SUFU: variants seen among roughly 807,000 people sequenced by gnomAD.
SUFU encodes SUFU negative regulator of hedgehog signaling, also known as suppressor of fused homolog.
A neutral mutation model predicts 58.9 loss-of-function variants in SUFU; 7 were observed. The observed-to-expected ratio is 0.12, with a 90% CI of 0.07 to 0.22. The LOEUF (loss-of-function observed/expected upper bound fraction) is 0.22, where lower values mean the gene tolerates loss of function less well. Ranked by LOEUF, SUFU falls within the 10% of genes least tolerant of loss-of-function variation. The pLI is 1.00. For synonymous variants in SUFU, 232 were observed against 254.8 expected (o/e 0.91, Z 0.85); for missense variants, 451 against 641.3 (o/e 0.70, Z 3.20).
intron 2 of SUFU, among the ~76,000 whole-genome samples, chr10:102,511,013 A>G (rs1316844612): frequency 1.3e-5 from 2 of 150,388 alleles, no homozygotes; most frequent in Non-Finnish European, 3.0e-5. Context: ...CCCAGCTACT[A>G]GGGAGGCTGA....
At position 102,629,151 on chromosome 10, in the gene SUFU, C is replaced by T. The variant is rs1439553243; in HGVS notation, c.1366-915C>T. ...AGCCTGGGCAACAAGAGCGAAACTC[C>T]GTCTCAAAAGAAAAAGAAAAGACAG... On this transcript the variant is annotated intron_variant, in intron 11 of 11. Transcript: ENST00000369902. The surrounding 1 kb of genome is among the most constrained non-coding windows in gnomAD (Gnocchi z 4.7). Among the ~76,000 whole-genome samples the T allele has an allele frequency of 1.3e-5, 2 of 152,084 alleles. No individual in the cohort carries two copies. Among genetic ancestry groups the T allele is most frequent in the East Asian group, 1.9e-4 (1 of 5,180 alleles).
At chr10:102,565,337 G>A (rs1362210315) in intron 3 of SUFU, among the ~76,000 whole-genome samples, 1 of 152,184 alleles carries the variant, frequency 6.6e-6, no homozygotes, top group East Asian at 1.9e-4. Flanking sequence ...CAGAGGTCCC[G>A]AGAAATGAGT....
intron 2 of SUFU, among the ~76,000 whole-genome samples, chr10:102,538,099 A>G (rs2062762185): frequency 6.6e-6 from 1 of 152,200 alleles, no homozygotes; most frequent in African/African-American, 2.4e-5. Flanking sequence ...TGAACAGAAA[A>G]CATTAGAGGC....
chr10:102,562,870 G>T (rs537619939), intron 3 of SUFU, among the ~76,000 whole-genome samples: 1 of 152,186 alleles, frequency 6.6e-6, no homozygotes, highest in Non-Finnish European at 1.5e-5. Context: ...TAGCCTGGGC[G>T]ACAGAGTGAG....
intron 2 of SUFU, among the ~76,000 whole-genome samples, chr10:102,515,025 T>C (rs1194535885): frequency 6.6e-6 from 1 of 152,204 alleles, no homozygotes; most frequent in Non-Finnish European, 1.5e-5. Context: ...CTAGGCTCTG[T>C]CTCACAAATG....
Position 102,519,810 on chromosome 10 carries a change from C to T in SUFU, c.317+10507C>T, listed in dbSNP as rs1164858017. Among the ~76,000 whole-genome samples the T allele has an allele frequency of 3.3e-5, 5 of 152,092 alleles. No homozygotes were observed. The East Asian group carries it at 5.8e-4, about 18-fold the overall frequency. On this transcript the variant is annotated intron_variant, in intron 2 of 11. Transcript: ENST00000369902. The stretch of plus-strand genomic sequence containing the variant: ...TTTTTGAGATGGAGTCTCGCTCTGT[C>T]GCTCAGGCTGGAATGCGGTGGCATG...
In SUFU at chr10:102,625,432, G is replaced by A. The variant is rs1210494637; in HGVS notation, c.1297-1743G>A. On this transcript the variant is annotated intron_variant, in intron 10 of 11. Coordinates refer to ENST00000369902, the MANE Select transcript of SUFU (RefSeq NM_016169.4). The surrounding 1 kb of genome is among the most constrained non-coding windows in gnomAD (Gnocchi z 4.7). Reference sequence around the variant, plus strand: ...TGTTCCTGCTATGGGCTTGGAGCCTGGGAAGGCTGGGTCTCTTGTCTCCTT... The same window carrying A: ...TGTTCCTGCTATGGGCTTGGAGCCTAGGAAGGCTGGGTCTCTTGTCTCCTT... Among the ~76,000 whole-genome samples the A allele has an allele frequency of 6.6e-6, 1 of 152,178 alleles. No homozygotes were observed. The highest frequency in any genetic ancestry group is 2.4e-5 in the African/African-American group (1 of 41,424).
At chr10:102,583,067 G>T (rs1208369118) in intron 3 of SUFU, among the ~76,000 whole-genome samples, 2 of 152,152 alleles carry the variant, frequency 1.3e-5, no homozygotes, top group African/African-American at 4.8e-5. Flanking sequence ...TCCCAGGGTG[G>T]GCGCAGGGGC....
chr10:102,630,353 C>A lies in SUFU; in HGVS notation c.*198C>A. 1.6e-6 allele frequency: 1 copy of A among 617,156 alleles called. No individual in the cohort carries two copies. The highest frequency in any genetic ancestry group is 2.9e-6 in the Non-Finnish European group (1 of 345,334). 38.2% of individuals were successfully genotyped at this position (617,156 alleles called of 1,614,324 possible). The stretch of plus-strand genomic sequence containing the variant: ...CCTCACCTCCAGCTCAGGGGCCGCA[C>A]CCCGCCGCTGGCTAAGCCTTGTGAC... On this transcript the variant is annotated 3_prime_UTR_variant, in exon 12 of 12. Coordinates refer to ENST00000369902, the MANE Select transcript of SUFU (RefSeq NM_016169.4).
intron 2 of SUFU, among the ~76,000 whole-genome samples, chr10:102,549,428 C>T (rs1330474388): frequency 6.6e-6 from 1 of 152,156 alleles, no homozygotes; most frequent in Non-Finnish European, 1.5e-5. Flanking sequence ...GTGGAGGAAA[C>T]CACCCCTGTG....
At chr10:102,614,571 G>A (rs1327350128) in intron 8 of SUFU, among the ~76,000 whole-genome samples, 9 of 137,120 alleles carry the variant, frequency 6.6e-5, no homozygotes, top group African/African-American at 5.5e-5. Context: ...AAAAAAAAAC[G>A]AAACAAAAAA....
intron 3 of SUFU, among the ~76,000 whole-genome samples, chr10:102,589,924 T>G (rs2063377831): frequency 1.3e-5 from 2 of 152,032 alleles, no homozygotes; most frequent in Admixed American, 1.3e-4. Flanking sequence ...TTAATGTCCT[T>G]TATCAAGATG....
At chr10:102,548,689 C>G (rs10883735) in intron 2 of SUFU, among the ~76,000 whole-genome samples, 1 of 152,084 alleles carries the variant, frequency 6.6e-6, no homozygotes, top group Non-Finnish European at 1.5e-5. Context: ...CTGGATGCTT[C>G]CCTTACCTGG....
intron 3 of SUFU, among the ~76,000 whole-genome samples, chr10:102,590,323 G>A (rs1383408232): frequency 6.6e-6 from 1 of 151,418 alleles, no homozygotes; most frequent in East Asian, 1.9e-4. Context: ...CTTCTACCAC[G>A]CCCTGCTAAT....
At chr10:102,542,157 G>A (rs1467163739) in intron 2 of SUFU, among the ~76,000 whole-genome samples, 2 of 143,516 alleles carry the variant, frequency 1.4e-5, no homozygotes, top group African/African-American at 5.1e-5. Context: ...TTTTGAGATG[G>A]AGTCTCACTC....
Position 102,617,166 on chromosome 10 carries a change from AGGAGGG to A in SUFU, c.1158-123_1158-118del. The stretch of plus-strand genomic sequence containing the variant: ...CCTGTTGATGGGCAGGTGGGCAGCC[AGGAGGG>A]CATGTTACCTGGCCCGCGGACCATA... On this transcript the variant is annotated intron_variant, in intron 9 of 11. Transcript: ENST00000369902. The surrounding 1 kb of genome is among the most constrained non-coding windows in gnomAD (Gnocchi z 4.4). The A allele has an allele frequency of 7.9e-7, 1 of 1,269,362 alleles. No homozygotes were observed. The highest frequency in any genetic ancestry group is 1.1e-6 in the Non-Finnish European group (1 of 883,140). The allele number at this position is 1,269,362 out of a possible 1,614,324, so 78.6% of individuals were successfully genotyped here. A position where few individuals can be genotyped will look rare whatever the true frequency, so the allele number is the denominator to read the frequency against.
At chr10:102,589,442 C>CTTTTTTT (rs747625757) in intron 3 of SUFU, among the ~76,000 whole-genome samples, 12,153 of 65,106 alleles carry the variant, frequency 0.19, 3,487 homozygotes, top group Middle Eastern at 0.28. Context: ...TTCTTTCTTT[C>CTTTTTTT]TTTTTTTTTT....
intron 2 of SUFU, among the ~76,000 whole-genome samples, chr10:102,512,708 A>G (rs2062415687): frequency 6.6e-6 from 1 of 152,208 alleles, no homozygotes; most frequent in South Asian, 2.1e-4. Context: ...CTGGCACTAG[A>G]AGAATGTGGA....
At chr10:102,527,337 A>G (rs540005688) in intron 2 of SUFU, among the ~76,000 whole-genome samples, 1 of 152,186 alleles carries the variant, frequency 6.6e-6, no homozygotes, top group South Asian at 2.1e-4. Flanking sequence ...TGATGAGGAA[A>G]GAAAAAGGAT....
Sources: allele counts gnomAD v4.1 joint callset (sites outside exome capture counted in the v4.1 genomes callset), GRCh38; gene constraint gnomAD v4.1.1; non-coding constraint Gnocchi (gnomAD v3.1); transcripts MANE v1.5; gene names NCBI Gene and HGNC (gene_info 2026-07-23, HGNC 2026-07-21).